Variants in ENAH observed in about 807,000 individuals in gnomAD.
The protein encoded by ENAH is protein enabled homolog.
ENAH carries 23 observed loss-of-function variants against 78.7 expected under a neutral mutation model. The observed-to-expected ratio is 0.29, with a 90% CI of 0.21 to 0.41. ENAH has a LOEUF of 0.41. Among genes scored for constraint, ENAH ranks in the 10% least tolerant of loss-of-function variants. ENAH has a pLI of 1.00. For missense variants in ENAH, 544 were observed against 691.0 expected (o/e 0.79, Z 2.39); for synonymous variants, 226 against 241.0 (o/e 0.94, Z 0.58).
At chr1:225,524,084 A>G (rs959073756) in intron 4 of ENAH, among the ~76,000 whole-genome samples, 9 of 152,196 alleles carry the variant, frequency 5.9e-5, no homozygotes, top group African/African-American at 2.2e-4. Context: ...CAAATCACCA[A>G]TATTATTTTT....
At position 225,572,779 on chromosome 1, in the gene ENAH, T is replaced by C. The variant is rs187858014; in HGVS notation, c.6-5365A>G. ...ATTAGTAAATTACCAAGCTGTACTTTTGTGAAGATCAGGCACTAAATTAGT... is the reference window on the plus strand; with the variant it reads ...ATTAGTAAATTACCAAGCTGTACTTCTGTGAAGATCAGGCACTAAATTAGT... On this transcript the variant is annotated intron_variant, in intron 1 of 13. Transcript: ENST00000366843. Among the ~76,000 whole-genome samples, 4 of 152,364 alleles carry C rather than the reference T, an allele frequency of 2.6e-5. No homozygotes were observed. The East Asian group carries it at 5.8e-4, about 22-fold the overall frequency.
chr1:225,603,627 G>A (rs929557004), intron 1 of ENAH, among the ~76,000 whole-genome samples: 1 of 152,068 alleles, frequency 6.6e-6, no homozygotes, highest in African/African-American at 2.4e-5. Flanking sequence ...ATGTACAGAG[G>A]CATTCATTAC....
At chr1:225,517,904 C>A in intron 5 of ENAH, 1 of 1,550,768 alleles carries the variant, frequency 6.4e-7, no homozygotes, top group Non-Finnish European at 8.7e-7. Context: ...ATGACTTTAG[C>A]GTATGATGGA....
At chr1:225,534,508 T>TAA (rs200439528) in intron 3 of ENAH, among the ~76,000 whole-genome samples, 3 of 150,722 alleles carry the variant, frequency 2.0e-5, no homozygotes, top group Non-Finnish European at 4.4e-5. Flanking sequence ...TCTTCATAGG[T>TAA]AAAAAAAAAC....
At chr1:225,517,579 G>A in intron 5 of ENAH, 1 of 1,551,328 alleles carries the variant, frequency 6.4e-7, no homozygotes, top group South Asian at 1.2e-5. Context: ...TGGACCAGTA[G>A]CTTTGCCTGG....
intron 7 of ENAH, among the ~76,000 whole-genome samples, chr1:225,514,111 T>G (rs937022184): frequency 2.0e-5 from 3 of 152,152 alleles, no homozygotes; most frequent in African/African-American, 7.2e-5. Context: ...TAGAAATTAT[T>G]TATACTATTC....
At chr1:225,538,526 A>G (rs2096573261) in intron 3 of ENAH, among the ~76,000 whole-genome samples, 1 of 151,958 alleles carries the variant, frequency 6.6e-6, no homozygotes, top group African/African-American at 2.4e-5. Flanking sequence ...ATAGCTACAC[A>G]TGAAAATGTA....
intron 1 of ENAH, among the ~76,000 whole-genome samples, chr1:225,624,320 G>T (rs938534404): frequency 2.6e-5 from 4 of 151,972 alleles, no homozygotes; most frequent in Non-Finnish European, 4.4e-5. Flanking sequence ...AAAGGACAAA[G>T]AAATATTTTA....
intron 3 of ENAH, among the ~76,000 whole-genome samples, chr1:225,534,897 G>A (rs920383582): frequency 2.0e-5 from 3 of 152,034 alleles, no homozygotes; most frequent in African/African-American, 7.2e-5. Context: ...GTTTGTCCAT[G>A]CAAACAATAC....
At chr1:225,631,589 A>C (rs979663459) in intron 1 of ENAH, among the ~76,000 whole-genome samples, 11 of 151,764 alleles carry the variant, frequency 7.2e-5, no homozygotes, top group Non-Finnish European at 2.9e-5. Context: ...AAAAAAAAAA[A>C]AAAAGGCATA....
chr1:225,617,629 A>G (rs150361501), intron 1 of ENAH, among the ~76,000 whole-genome samples: 9 of 152,288 alleles, frequency 5.9e-5, no homozygotes, highest in Non-Finnish European at 1.0e-4. Flanking sequence ...CTTAAACTCA[A>G]CTTAATTTGT....
At chr1:225,605,680 C>T (rs191389431) in intron 1 of ENAH, among the ~76,000 whole-genome samples, 1 of 152,266 alleles carries the variant, frequency 6.6e-6, no homozygotes, top group Non-Finnish European at 1.5e-5. Context: ...ACCCCCATTA[C>T]CTCAGAATGT....
intron 1 of ENAH, among the ~76,000 whole-genome samples, chr1:225,594,922 G>T (rs1408352918): frequency 2.6e-5 from 4 of 152,042 alleles, no homozygotes; most frequent in Non-Finnish European, 4.4e-5. Flanking sequence ...ATACAATCAA[G>T]AAAAAATAGG....
intron 2 of ENAH, 109 bp downstream of exon 2, chr1:225,567,140 G>A: frequency 1.6e-6 from 2 of 1,245,274 alleles, no homozygotes; most frequent in South Asian, 1.5e-5. Context: ...GTTTTTCCCA[G>A]AGAGAGACTA....
intron 1 of ENAH, among the ~76,000 whole-genome samples, chr1:225,594,256 G>A (rs1179213533): frequency 6.6e-6 from 1 of 152,134 alleles, no homozygotes; most frequent in Admixed American, 6.5e-5. Flanking sequence ...CAAACACTGC[G>A]CAAAGTCTCA....
chr1:225,525,870 G>C (rs910922617), intron 4 of ENAH, among the ~76,000 whole-genome samples: 1 of 152,140 alleles, frequency 6.6e-6, no homozygotes, highest in African/African-American at 2.4e-5. Flanking sequence ...AAATACCATA[G>C]TGAGAGGTCT....
intron 1 of ENAH, among the ~76,000 whole-genome samples, chr1:225,569,932 G>A (rs148389153): frequency 2.2e-4 from 33 of 152,200 alleles, no homozygotes; most frequent in African/African-American, 6.0e-4. Context: ...CTGGTGGGGC[G>A]CAGTGGCTCA....
chr1:225,530,686 C>G, intron 3 of ENAH, 48 bp from the exon 4 acceptor site: 13 of 1,375,204 alleles, frequency 9.5e-6, no homozygotes, highest in Non-Finnish European at 1.3e-5. Flanking sequence ...TCATATCTAG[C>G]TGGACAGAGG....
At chr1:225,503,136 T>C (rs1476999417) in intron 11 of ENAH, among the ~76,000 whole-genome samples, 1 of 152,082 alleles carries the variant, frequency 6.6e-6, no homozygotes, top group African/African-American at 2.4e-5. Flanking sequence ...ACCACCACCA[T>C]GATAATTAAC....
Sources: allele counts gnomAD v4.1 joint callset (sites outside exome capture counted in the v4.1 genomes callset), GRCh38; gene constraint gnomAD v4.1.1; transcripts MANE v1.5; gene names NCBI Gene and HGNC (gene_info 2026-07-23, HGNC 2026-07-21).